Variants in NCALD observed in about 807,000 individuals in gnomAD.
The protein encoded by NCALD is neurocalcin-delta.
NCALD carries 10 observed loss-of-function variants against 18.6 expected under a neutral mutation model. The ratio of observed to expected loss-of-function variants is 0.54; its 90% CI spans 0.33 to 0.91. The LOEUF (loss-of-function observed/expected upper bound fraction) is 0.91, where lower values mean the gene tolerates loss of function less well. NCALD is among the 40% of genes least tolerant of loss of function. The pLI is 0.03. For synonymous variants in NCALD, 88 were observed against 87.4 expected, an observed-to-expected ratio of 1.01 and a Z score of -0.04; for missense variants, 184 against 247.6, an observed-to-expected ratio of 0.74 and a Z score of 1.72.
chr8:102,093,704 A>G (rs1217446443), intron 1 of NCALD, among the ~76,000 whole-genome samples: 1 of 152,196 alleles, frequency 6.6e-6, no homozygotes, highest in Non-Finnish European at 1.5e-5. Flanking sequence ...GAAAACCACA[A>G]GTTTCCTGGG....
intron 1 of NCALD, among the ~76,000 whole-genome samples, chr8:101,759,767 TA>T (rs1311747130): frequency 2.6e-5 from 4 of 152,070 alleles, no homozygotes; most frequent in African/African-American, 4.8e-5. Flanking sequence ...GCAAAAAATA[TA>T]AAAATGTACA....
In NCALD at chr8:101,688,478, C is replaced by G; in HGVS notation, c.*831G>C. On this transcript the variant is annotated 3_prime_UTR_variant, in exon 4 of 4. Coordinates refer to ENST00000220931, the MANE Select transcript of NCALD (RefSeq NM_032041.3). The stretch of plus-strand genomic sequence containing the variant: ...ACAATAAGCTACTAAAAACAGTCTT[C>G]TGGAATAAGATTGTATTAGTGCTCA... The G allele has an allele frequency of 3.2e-6, 1 of 316,160 alleles. No individual in the cohort carries two copies. Among genetic ancestry groups the G allele is most frequent in the Non-Finnish European group, 6.3e-6 (1 of 158,956 alleles). The allele number at this position is 316,160 out of a possible 1,614,324, so 19.6% of individuals were successfully genotyped here. A position where few individuals can be genotyped will look rare whatever the true frequency, so the allele number is the denominator to read the frequency against.
At chr8:101,908,483 T>G (rs1431286674) in intron 3 of NCALD, among the ~76,000 whole-genome samples, 3 of 152,224 alleles carry the variant, frequency 2.0e-5, no homozygotes, top group Non-Finnish European at 4.4e-5. Flanking sequence ...TATTTCCATC[T>G]TTCATTTCAC....
intron 2 of NCALD, among the ~76,000 whole-genome samples, chr8:101,714,216 A>G (rs1319382980): frequency 2.6e-5 from 4 of 152,242 alleles, no homozygotes; most frequent in Admixed American, 6.5e-5. Context: ...CTGTTTGCAG[A>G]TGACAGGATA....
At chr8:101,958,733 G>C (rs1302195990) in intron 2 of NCALD, among the ~76,000 whole-genome samples, 1 of 152,126 alleles carries the variant, frequency 6.6e-6, no homozygotes, top group Non-Finnish European at 1.5e-5. Context: ...AATAGGATTT[G>C]AACCTGGATA....
At chr8:101,880,360 A>G (rs1463191151) in intron 4 of NCALD, among the ~76,000 whole-genome samples, 2 of 152,030 alleles carry the variant, frequency 1.3e-5, no homozygotes, top group Non-Finnish European at 2.9e-5. Context: ...CGCCAGGTGC[A>G]GCAGCCCCGG....
At chr8:101,764,890 T>C (rs758528358) in intron 1 of NCALD, among the ~76,000 whole-genome samples, 11 of 152,210 alleles carry the variant, frequency 7.2e-5, no homozygotes, top group Admixed American at 6.5e-5. Flanking sequence ...TTTAAACTCA[T>C]GTTGTTCTAA....
intron 1 of NCALD, among the ~76,000 whole-genome samples, chr8:101,788,150 T>C (rs1417494820): frequency 6.6e-6 from 1 of 152,168 alleles, no homozygotes; most frequent in Admixed American, 6.5e-5. Flanking sequence ...ACTCGAAGAA[T>C]AAAATCCGAT....
chr8:102,043,909 A>C (rs1232847691), intron 1 of NCALD, among the ~76,000 whole-genome samples: 2 of 151,888 alleles, frequency 1.3e-5, no homozygotes, highest in Non-Finnish European at 2.9e-5. Context: ...CAAGCCAGAA[A>C]GAAGATATCT....
chr8:101,740,247 G>C (rs895967799), intron 1 of NCALD, among the ~76,000 whole-genome samples: 2 of 152,180 alleles, frequency 1.3e-5, no homozygotes, highest in African/African-American at 4.8e-5. Flanking sequence ...AGTGTGTGCA[G>C]GCACTAGACC....
At chr8:101,694,205 C>A (rs1814879697) in intron 2 of NCALD, 1 of 152,126 alleles carries the variant, frequency 6.6e-6, no homozygotes, top group African/African-American at 2.4e-5. Flanking sequence ...AGGGAGTAGG[C>A]AGAAAATTTC....
intron 2 of NCALD, among the ~76,000 whole-genome samples, chr8:101,696,813 A>G (rs1815014625): frequency 8.3e-6 from 1 of 120,596 alleles, no homozygotes; most frequent in Admixed American, 7.7e-5. Context: ...TTAAGAGGGA[A>G]ATTTATAGCA....
At chr8:101,887,504 C>T (rs904480839) in intron 3 of NCALD, among the ~76,000 whole-genome samples, 15 of 152,106 alleles carry the variant, frequency 9.9e-5, no homozygotes, top group African/African-American at 2.7e-4. Flanking sequence ...ACAGATGCTA[C>T]GCAGGCAATT....
In NCALD at chr8:101,894,742, G is replaced by C. The variant is rs867511050; in HGVS notation, c.-106-7515C>G. Among the ~76,000 whole-genome samples, 1,255 of 147,222 alleles carry C rather than the reference G, an allele frequency of 8.5e-3. 10 individuals are homozygous for C. Among genetic ancestry groups the C allele is most frequent in the African/African-American group, 0.021 (810 of 38,142 alleles). ...AGAGAATACTACAAACACCTCTACG[G>C]AAATAAACTAGAAAATCTAGAAGAA... On this transcript the variant is annotated intron_variant, in intron 3 of 6. Coordinates refer to the NCALD transcript ENST00000311028.
intron 2 of NCALD, among the ~76,000 whole-genome samples, chr8:102,004,772 A>C (rs1395022068): frequency 6.6e-6 from 1 of 152,148 alleles, no homozygotes; most frequent in Non-Finnish European, 1.5e-5. Context: ...AAAAACAAGC[A>C]ATGGGGAAAG....
rs1253693728 is a variant in NCALD at position 102,005,833 on chromosome 8, A to T, written c.-157+14404T>A. 2.9e-5 allele frequency among the ~76,000 whole-genome samples: 4 copies of T among 139,798 alleles called. No individual in the cohort carries two copies. In the South Asian group the frequency reaches 7.8e-4, roughly 27 times the overall value. The allele number at this position is 139,798 out of a possible 152,430, so 91.7% of individuals were successfully genotyped here. A position where few individuals can be genotyped will look rare whatever the true frequency, so the allele number is the denominator to read the frequency against. ...CATAGGTGGGAATTGAACAATGAGAACACATGGACACAGGAAGGGGAACAT... is the reference window on the plus strand; with the variant it reads ...CATAGGTGGGAATTGAACAATGAGATCACATGGACACAGGAAGGGGAACAT... On this transcript the variant is annotated intron_variant, in intron 2 of 6. Transcript: ENST00000311028.
chr8:101,796,030 T>C (rs1431968591), intron 4 of NCALD, among the ~76,000 whole-genome samples: 2 of 152,058 alleles, frequency 1.3e-5, no homozygotes, highest in Non-Finnish European at 2.9e-5. Flanking sequence ...AGACCAAAAT[T>C]ATAGTTCAGA....
chr8:101,811,597 CTT>C (rs771527274), intron 4 of NCALD, among the ~76,000 whole-genome samples: 58 of 152,276 alleles, frequency 3.8e-4, no homozygotes, highest in East Asian at 1.4e-3. Flanking sequence ...CTGAGCAAGA[CTT>C]TATGAAAGAA....
rs147627644 is a variant in NCALD at position 101,908,702 on chromosome 8, C to T, written c.-107+7107G>A. Reference sequence around the variant, plus strand: ...AGATAACAGGAATGAACTGTCAGATCCCTGCTTTGAGGACCACATAGTCCA... The same window carrying T: ...AGATAACAGGAATGAACTGTCAGATTCCTGCTTTGAGGACCACATAGTCCA... On this transcript the variant is annotated intron_variant, in intron 3 of 6. Transcript: ENST00000311028. Among the ~76,000 whole-genome samples the T allele has an allele frequency of 2.9e-3, 439 of 152,228 alleles. 3 individuals carry two copies. The highest frequency in any genetic ancestry group is 4.4e-3 in the Non-Finnish European group (296 of 68,010).
Sources: allele counts gnomAD v4.1 joint callset (sites outside exome capture counted in the v4.1 genomes callset), GRCh38; gene constraint gnomAD v4.1.1; transcripts MANE v1.5; gene names NCBI Gene and HGNC (gene_info 2026-07-23, HGNC 2026-07-21).